The following FRMD3 variants were observed in gnomAD, a reference collection of about 807,000 sequenced individuals.
The protein encoded by FRMD3 is FERM domain containing 3.
FRMD3 carries 33 observed loss-of-function variants against 70.2 expected under a neutral mutation model. The ratio of observed to expected loss-of-function variants is 0.47; its 90% CI spans 0.36 to 0.63. FRMD3 has a LOEUF of 0.63. Among genes scored for constraint, FRMD3 ranks in the 20% least tolerant of loss-of-function variants. The pLI is 0.00. For synonymous variants in FRMD3, 279 were observed against 255.9 expected (o/e 1.09, Z -0.86); for missense variants, 632 against 711.4 (o/e 0.89, Z 1.27).
chr9:83,571,075 G>T, the FRMD3 span, among the ~76,000 whole-genome samples: 3 of 152,180 alleles, frequency 2.0e-5, no homozygotes, highest in Admixed American at 6.5e-5. Context: ...TTGAGGCTGG[G>T]GGGGATTCCT....
the FRMD3 span, among the ~76,000 whole-genome samples, chr9:83,549,021 G>A: frequency 6.6e-6 from 1 of 151,988 alleles, no homozygotes; most frequent in Admixed American, 6.6e-5. Flanking sequence ...TGTGTCATGA[G>A]GGTTTGTTGT....
chr9:83,479,370 A>G (rs138559715), intron 1 of FRMD3, among the ~76,000 whole-genome samples: 1 of 131,990 alleles, frequency 7.6e-6, no homozygotes, highest in East Asian at 2.4e-4. Flanking sequence ...AGGAAGAAGA[A>G]GAGGAGGAGG....
intron 3 of FRMD3, among the ~76,000 whole-genome samples, chr9:83,351,320 T>TCACACACACACACACA (rs769278070): frequency 2.3e-5 from 1 of 43,550 alleles, no homozygotes; most frequent in African/African-American, 8.7e-5. Flanking sequence ...GAAAAACTGA[T>TCACACACACACACACA]CATACACACA....
chr9:83,452,683 C>G (rs1392189870), intron 1 of FRMD3, among the ~76,000 whole-genome samples: 1 of 151,872 alleles, frequency 6.6e-6, no homozygotes, highest in Non-Finnish European at 1.5e-5. Flanking sequence ...GGGGTTTCAC[C>G]GTGTTAGCCA....
At chr9:83,318,931 C>A (rs1282300534) in intron 6 of FRMD3, among the ~76,000 whole-genome samples, 1 of 151,974 alleles carries the variant, frequency 6.6e-6, no homozygotes, top group Non-Finnish European at 1.5e-5. Flanking sequence ...TGTTTCTTGG[C>A]CACTTGGATG....
chr9:83,522,273 T>C (rs1829586737), intron 1 of FRMD3, among the ~76,000 whole-genome samples: 2 of 152,196 alleles, frequency 1.3e-5, no homozygotes, highest in African/African-American at 4.8e-5. Context: ...TGTGATTTAC[T>C]TAATGCCACT....
chr9:83,274,561 G>A (rs535365047), intron 13 of FRMD3, among the ~76,000 whole-genome samples: 9 of 152,350 alleles, frequency 5.9e-5, no homozygotes, highest in African/African-American at 9.6e-5. Flanking sequence ...GAACCAGCAC[G>A]AGAAGGAAGG....
At chr9:83,290,983 G>A (rs1834397305) in intron 12 of FRMD3, among the ~76,000 whole-genome samples, 1 of 152,054 alleles carries the variant, frequency 6.6e-6, no homozygotes, top group Admixed American at 6.6e-5. Context: ...CACCAGCCCT[G>A]AGCATGCTAG....
intron 1 of FRMD3, among the ~76,000 whole-genome samples, chr9:83,411,082 C>T (rs1167610450): frequency 6.6e-6 from 1 of 152,168 alleles, no homozygotes; most frequent in Non-Finnish European, 1.5e-5. Context: ...TCATCTCTCA[C>T]CTTTCTCTAG....
In FRMD3 at chr9:83,335,668, G is replaced by A. The variant is rs771171831; in HGVS notation, c.473-29C>T. On this transcript the variant is annotated intron_variant, in intron 5 of 13. Coordinates refer to ENST00000304195, the MANE Select transcript of FRMD3 (RefSeq NM_174938.6). ...TAATGAGTGAAAAAATAAAGAGACA[G>A]AGAAAGATTAAAAACAATAACATGA... 6.9e-6 allele frequency: 11 copies of A among 1,601,440 alleles called. No individual in the cohort carries two copies. The East Asian group carries it at 1.8e-4, about 26-fold the overall frequency.
chr9:83,567,832 C>T, the FRMD3 span, among the ~76,000 whole-genome samples: 1 of 152,178 alleles, frequency 6.6e-6, no homozygotes, highest in African/African-American at 2.4e-5. Context: ...CAAAGCCATT[C>T]AACAAATCTC....
intron 13 of FRMD3, among the ~76,000 whole-genome samples, chr9:83,290,222 G>GCTCA (rs1302779258): frequency 2.6e-5 from 4 of 152,174 alleles, no homozygotes; most frequent in Non-Finnish European, 5.9e-5. Flanking sequence ...AGCCACATGT[G>GCTCA]GCTATTGAGC....
rs7869938 is a variant in FRMD3 at position 83,363,686 on chromosome 9, C to T, written c.295+9227G>A. 2.1e-3 allele frequency among the ~76,000 whole-genome samples: 325 copies of T among 151,670 alleles called. 1 individual carries two copies. Among genetic ancestry groups the T allele is most frequent in the Non-Finnish European group, 3.8e-3 (259 of 67,972 alleles). The stretch of plus-strand genomic sequence containing the variant: ...TCTCCTGCCTCAGCCTCCTGAGTAG[C>T]TGGGACTACAGGCGCCCGCCACCTC... On this transcript the variant is annotated intron_variant, in intron 3 of 13. Coordinates refer to ENST00000304195, the MANE Select transcript of FRMD3 (RefSeq NM_174938.6).
chr9:83,248,049 C>T lies in FRMD3; in HGVS notation c.1663G>A (p.Asp555Asn). The part of the protein sequence containing the change: ...LLLLLLESGI[D>N]LSFLCEIRQT... Reference sequence around the variant, plus strand: ...CGGATTTCGCATAAGAAGGAGAGATCAATACCTGACTCCAAAAGGAGGAGG... The same window carrying T: ...CGGATTTCGCATAAGAAGGAGAGATTAATACCTGACTCCAAAAGGAGGAGG... The change falls in exon 14 of 14, where the codon GAT becomes AAT. Residue 555 changes from aspartate to asparagine, a missense_variant. Asp to Asn is a conservative substitution (Grantham distance 23). Around this residue, in one of 3 missense-constraint regions of FRMD3, gnomAD observed 418 missense variants for 442.1 expected, o/e 0.95. Transcript: ENST00000304195. 1 of 1,614,154 alleles carries T rather than the reference C, an allele frequency of 6.2e-7. No homozygotes were observed. The highest frequency in any genetic ancestry group is 8.5e-7 in the Non-Finnish European group (1 of 1,180,036).
chr9:83,509,386 T>C (rs1444883449), intron 1 of FRMD3, among the ~76,000 whole-genome samples: 1 of 152,194 alleles, frequency 6.6e-6, no homozygotes, highest in African/African-American at 2.4e-5. Flanking sequence ...AGTTCAATGG[T>C]ATGGCAGCAG....
At chr9:83,331,873 C>T (rs1823387462) in intron 6 of FRMD3, 2 of 717,376 alleles carry the variant, frequency 2.8e-6, no homozygotes, top group South Asian at 3.0e-5. Context: ...CATAGAATTG[C>T]ATTTCCTTGA....
At chr9:83,509,540 A>T (rs1472236021) in intron 1 of FRMD3, among the ~76,000 whole-genome samples, 1 of 152,204 alleles carries the variant, frequency 6.6e-6, no homozygotes, top group East Asian at 1.9e-4. Context: ...ACTCCCCAGG[A>T]GCAGCTCGTT....
At chr9:83,443,416 T>C (rs907475577) in intron 1 of FRMD3, among the ~76,000 whole-genome samples, 1 of 152,186 alleles carries the variant, frequency 6.6e-6, no homozygotes, top group Non-Finnish European at 1.5e-5. Context: ...TTGCGATAGT[T>C]TGCTCAGAAT....
At chr9:83,330,085 C>T (rs919066044) in intron 6 of FRMD3, among the ~76,000 whole-genome samples, 1 of 152,056 alleles carries the variant, frequency 6.6e-6, no homozygotes, top group Non-Finnish European at 1.5e-5. Context: ...AGAGGACTGG[C>T]GAGGCATGGT....
Sources: allele counts gnomAD v4.1 joint callset (sites outside exome capture counted in the v4.1 genomes callset), GRCh38; gene constraint gnomAD v4.1.1; regional missense constraint gnomAD v4.1.1; transcripts MANE v1.5; gene names NCBI Gene and HGNC (gene_info 2026-07-23, HGNC 2026-07-21).